GJC2: variants seen among roughly 807,000 people sequenced by gnomAD.
The protein encoded by GJC2 is gap junction protein gamma 2.
For synonymous variants in GJC2, 336 were observed against 307.5 expected (o/e 1.09, Z -0.97); for missense variants, 647 against 648.9 (o/e 1.00, Z 0.03).
At chr1:228,156,942 C>G (rs1222022004) in intron 1 of GJC2, among the ~76,000 whole-genome samples, 1 of 152,240 alleles carries the variant, frequency 6.6e-6, no homozygotes, top group Non-Finnish European at 1.5e-5. Context: ...CGCTGGACAC[C>G]GTCCCTCCTG....
At chr1:228,155,894 A>T (rs1571906397) in intron 1 of GJC2, among the ~76,000 whole-genome samples, 1 of 152,332 alleles carries the variant, frequency 6.6e-6, no homozygotes, top group South Asian at 2.1e-4. Flanking sequence ...GGCTGCCCCC[A>T]GAGAGCCATT....
At chr1:228,154,970 T>C (rs2124964195) in intron 1 of GJC2, among the ~76,000 whole-genome samples, 1 of 152,330 alleles carries the variant, frequency 6.6e-6, no homozygotes, top group East Asian at 1.9e-4. Flanking sequence ...CTAGGGTGTT[T>C]TTGCATTGAG....
intron 1 of GJC2, among the ~76,000 whole-genome samples, chr1:228,155,888 GC>G (rs1000949473): frequency 1.3e-5 from 2 of 152,362 alleles, no homozygotes; most frequent in African/African-American, 4.8e-5. Flanking sequence ...ACTGCAGGCT[GC>G]CCCCAGAGAG....
At chr1:228,155,340 C>A (rs1045947523) in intron 1 of GJC2, among the ~76,000 whole-genome samples, 4 of 152,170 alleles carry the variant, frequency 2.6e-5, no homozygotes, top group African/African-American at 9.7e-5. Flanking sequence ...GGTGAGGCCG[C>A]GGCATTCGCT....
rs1048108456 is a variant in GJC2 at position 228,152,374 on chromosome 1, C to T, written c.-20+2367C>T. On this transcript the variant is annotated intron_variant, in intron 1 of 1. Coordinates refer to ENST00000366714, the MANE Select transcript of GJC2 (RefSeq NM_020435.4). This position sits in a 1 kb window ranked among gnomAD's most constrained non-coding sequence, Gnocchi z 7.3. ...GTGCTACACCCAGCAGGGCGGGGCTCGTTCTGCAGTGCCTCAGGACCCTTG... is the reference window on the plus strand; with the variant it reads ...GTGCTACACCCAGCAGGGCGGGGCTTGTTCTGCAGTGCCTCAGGACCCTTG... 4.6e-5 allele frequency among the ~76,000 whole-genome samples: 7 copies of T among 152,104 alleles called. No homozygotes were observed. The highest frequency in any genetic ancestry group is 6.5e-5 in the Admixed American group (1 of 15,280).
Position 228,158,715 on chromosome 1 carries a change from C to T in GJC2, c.957C>T (p.Ala319=), listed in dbSNP as rs12755822. The change falls in exon 2 of 2, where the codon GCC becomes GCT. Residue 319 remains alanine, a synonymous_variant. Coordinates refer to ENST00000366714, the MANE Select transcript of GJC2 (RefSeq NM_020435.4). This position sits in a 1 kb window ranked among gnomAD's most constrained non-coding sequence, Gnocchi z 8.3. ...PAPAPRPPPC[A]FPAAAAGLAC... is the part of the protein sequence containing the mutation. Reference sequence around the variant, plus strand: ...CCGCGCCGCGGCCCCCGCCCTGCGCCTTCCCTGCGGCGGCCGCTGGCTTGG... The same window carrying T: ...CCGCGCCGCGGCCCCCGCCCTGCGCTTTCCCTGCGGCGGCCGCTGGCTTGG... 1 of 1,284,764 alleles carries T rather than the reference C, an allele frequency of 7.8e-7. No homozygotes were observed. The highest frequency in any genetic ancestry group is 9.9e-7 in the Non-Finnish European group (1 of 1,007,938). 79.6% of individuals were successfully genotyped at this position (1,284,764 alleles called of 1,614,324 possible). A position where few individuals can be genotyped will look rare whatever the true frequency, so the allele number is the denominator to read the frequency against.
In GJC2 at chr1:228,151,486, T is replaced by C. The variant is rs796417649; in HGVS notation, c.-20+1479T>C. ...CTCCTGAGGGAGGCACGTGGTGAGGTTGAGTCTGAATAGGGAGGGTTCATG... is the reference window on the plus strand; with the variant it reads ...CTCCTGAGGGAGGCACGTGGTGAGGCTGAGTCTGAATAGGGAGGGTTCATG... On this transcript the variant is annotated intron_variant, in intron 1 of 1. Coordinates refer to ENST00000366714, the MANE Select transcript of GJC2 (RefSeq NM_020435.4). This position sits in a 1 kb window ranked among gnomAD's most constrained non-coding sequence, Gnocchi z 5.4. Among the ~76,000 whole-genome samples the C allele has an allele frequency of 6.6e-6, 1 of 151,826 alleles. No individual in the cohort carries two copies. The highest frequency in any genetic ancestry group is 2.1e-4 in the South Asian group (1 of 4,802).
chr1:228,155,191 A>G (rs141497201), intron 1 of GJC2, among the ~76,000 whole-genome samples: 1 of 152,114 alleles, frequency 6.6e-6, no homozygotes, highest in Non-Finnish European at 1.5e-5. Flanking sequence ...GCGCCTGTGC[A>G]TGTGTGTGTG....
rs1370603269 is a variant in GJC2, at chr1:228,158,730, C to T, written c.972C>T (p.Ala324=). ...RPPPCAFPAA[A]AGLACPPDYS... is the part of the protein sequence containing the mutation. ...CGCCCTGCGCCTTCCCTGCGGCGGC[C>T]GCTGGCTTGGCCTGCCCGCCCGACT... The change falls in exon 2 of 2, where the codon GCC becomes GCT. Residue 324 remains alanine, a synonymous_variant. Transcript: ENST00000366714. The surrounding 1 kb of genome is among the most constrained non-coding windows in gnomAD (Gnocchi z 8.3). 1.6e-5 allele frequency: 22 copies of T among 1,339,978 alleles called. No individual in the cohort carries two copies. In the East Asian group the frequency reaches 2.0e-4, roughly 12 times the overall value. 83.0% of individuals were successfully genotyped at this position (1,339,978 alleles called of 1,614,324 possible).
chr1:228,154,377 T>G (rs1347649532), intron 1 of GJC2, among the ~76,000 whole-genome samples: 1 of 152,152 alleles, frequency 6.6e-6, no homozygotes, highest in African/African-American at 2.4e-5. Flanking sequence ...GGGGATGGGT[T>G]TTGGGAGGAA....
Position 228,158,210 on chromosome 1 carries a change from G to C in GJC2, c.452G>C (p.Gly151Ala), listed in dbSNP as rs752648245. Residue 151 changes from glycine (G) to alanine (A), a missense_variant, in exon 2 of 2, where the codon GGC becomes GCC. Coordinates refer to ENST00000366714, the MANE Select transcript of GJC2 (RefSeq NM_020435.4). This position sits in a 1 kb window ranked among gnomAD's most constrained non-coding sequence, Gnocchi z 8.3. ...LGEEEPMLGL[G>A]EEEEEEETGA... ...GAGGAGGAGCCCATGCTGGGCCTGG[G>C]CGAGGAGGAGGAGGAGGAGGAGACG... is the stretch of plus-strand genomic sequence containing the variant. 2 of 1,489,500 alleles carry C rather than the reference G, an allele frequency of 1.3e-6. No individual in the cohort carries two copies. Among genetic ancestry groups the C allele is most frequent in the African/African-American group, 2.8e-5 (2 of 71,550 alleles). 92.3% of individuals were successfully genotyped at this position (1,489,500 alleles called of 1,614,324 possible).
rs2034618224 is a variant in GJC2 at position 228,151,667 on chromosome 1, C to T, written c.-20+1660C>T. ...GATGCATGAGGATGGCTGGTGCCCA[C>T]ACCCAGTGGGGCCTACTGCTGCACA... On this transcript the variant is annotated intron_variant, in intron 1 of 1. Coordinates refer to ENST00000366714, the MANE Select transcript of GJC2 (RefSeq NM_020435.4). This position sits in a 1 kb window ranked among gnomAD's most constrained non-coding sequence, Gnocchi z 5.4. 6.6e-6 allele frequency among the ~76,000 whole-genome samples: 1 copy of T among 152,040 alleles called. No homozygotes were observed. The highest frequency in any genetic ancestry group is 6.5e-5 in the Admixed American group (1 of 15,280).
At chr1:228,156,918 T>G (rs1383117052) in intron 1 of GJC2, among the ~76,000 whole-genome samples, 2 of 152,242 alleles carry the variant, frequency 1.3e-5, no homozygotes, top group Non-Finnish European at 2.9e-5. Context: ...CTCACATCAC[T>G]GGGTCTATAA....
chr1:228,157,615 A>G (rs1415776671), intron 1 of GJC2, 125 bp from the exon 2 acceptor site: 2 of 621,750 alleles, frequency 3.2e-6, no homozygotes, highest in East Asian at 2.8e-5. Context: ...TTAAGGCGGT[A>G]AGCTCCACGT....
At position 228,158,158 on chromosome 1, in the gene GJC2, G is replaced by C; in HGVS notation, c.400G>C (p.Gly134Arg). ...AGCGCACCTGCCGCCCCCGCACGCCGGCTGGCCTGAGCCCGCCGACCTGGG... is the reference window on the plus strand; with the variant it reads ...AGCGCACCTGCCGCCCCCGCACGCCCGCTGGCCTGAGCCCGCCGACCTGGG... ...PRAHLPPPHA[G>R]WPEPADLGEE... The change falls in exon 2 of 2, where the codon GGC becomes CGC. Residue 134 changes from glycine (G) to arginine (R), a missense_variant. Gly to Arg is a moderately radical substitution (Grantham distance 125). Coordinates refer to ENST00000366714, the MANE Select transcript of GJC2 (RefSeq NM_020435.4). The surrounding 1 kb of genome is among the most constrained non-coding windows in gnomAD (Gnocchi z 8.3). 6 of 1,354,512 alleles carry C rather than the reference G, an allele frequency of 4.4e-6. No individual in the cohort carries two copies. Among genetic ancestry groups the C allele is most frequent in the Non-Finnish European group, 5.7e-6 (6 of 1,057,818 alleles). 83.9% of individuals were successfully genotyped at this position (1,354,512 alleles called of 1,614,324 possible). A position where few individuals can be genotyped will look rare whatever the true frequency, so the allele number is the denominator to read the frequency against.
At chr1:228,156,373 G>A (rs374610912) in intron 1 of GJC2, among the ~76,000 whole-genome samples, 4 of 152,218 alleles carry the variant, frequency 2.6e-5, no homozygotes, top group African/African-American at 9.6e-5. Context: ...GTGTACATGT[G>A]TATGCATGTG....
chr1:228,153,581 CTTTTTTTTT>C (rs149136887), intron 1 of GJC2, among the ~76,000 whole-genome samples: 1 of 93,150 alleles, frequency 1.1e-5, no homozygotes, highest in Non-Finnish European at 2.1e-5. Context: ...TTTCTCTTTT[CTTTTTTTTT>C]TTTTTTTTTT....
intron 1 of GJC2, among the ~76,000 whole-genome samples, chr1:228,157,104 A>G (rs1428331940): frequency 1.4e-5 from 2 of 145,234 alleles, no homozygotes; most frequent in Admixed American, 1.3e-4. Context: ...GGGAGGATGG[A>G]GGATTTTGTG....
chr1:228,157,794 G>A lies in GJC2; in HGVS notation c.36G>A (p.Leu12=), dbSNP rs1313574511. The change falls in exon 2 of 2, where the codon CTG becomes CTA. Residue 12 remains leucine, a synonymous_variant. Coordinates refer to ENST00000366714, the MANE Select transcript of GJC2 (RefSeq NM_020435.4). The part of the protein sequence containing the change: ...TNMSWSFLTR[L]LEEIHNHSTF... Reference sequence around the variant, plus strand: ...TGAGCTGGAGCTTCCTGACGCGGCTGCTGGAGGAGATCCACAACCACTCCA... The same window carrying A: ...TGAGCTGGAGCTTCCTGACGCGGCTACTGGAGGAGATCCACAACCACTCCA... 1.3e-6 allele frequency: 2 copies of A among 1,513,016 alleles called. No individual in the cohort carries two copies. The highest frequency in any genetic ancestry group is 2.0e-5 in the Admixed American group (1 of 51,260). 93.7% of individuals were successfully genotyped at this position (1,513,016 alleles called of 1,614,324 possible). A position where few individuals can be genotyped will look rare whatever the true frequency, so the allele number is the denominator to read the frequency against.
Sources: allele counts gnomAD v4.1 joint callset (sites outside exome capture counted in the v4.1 genomes callset), GRCh38; gene constraint gnomAD v4.1.1; non-coding constraint Gnocchi (gnomAD v3.1); transcripts MANE v1.5; gene names NCBI Gene and HGNC (gene_info 2026-07-23, HGNC 2026-07-21).